The following NPAS2 variants were observed in gnomAD, a reference collection of about 807,000 sequenced individuals.
The protein encoded by NPAS2 is neuronal PAS domain protein 2.
A neutral mutation model predicts 107.5 loss-of-function variants in NPAS2; 23 were observed. That is an observed-to-expected ratio of 0.21 (90% confidence interval 0.15 to 0.30). The LOEUF (loss-of-function observed/expected upper bound fraction) is 0.30. Ranked by LOEUF, NPAS2 falls within the 10% of genes least tolerant of loss-of-function variation. NPAS2 has a pLI of 1.00. For synonymous variants in NPAS2, 403 were observed against 417.5 expected, an observed-to-expected ratio of 0.97 and a Z score of 0.42; for missense variants, 756 against 1,043.3, an observed-to-expected ratio of 0.72 and a Z score of 3.79.
intron 1 of NPAS2, among the ~76,000 whole-genome samples, chr2:100,848,923 C>A (rs1677967247): frequency 6.6e-6 from 1 of 152,242 alleles, no homozygotes; most frequent in South Asian, 2.1e-4. Flanking sequence ...CAAATCCCTG[C>A]CGTGGGGCGC....
chr2:100,838,352 A>T (rs1225509816), intron 1 of NPAS2, among the ~76,000 whole-genome samples: 1 of 152,078 alleles, frequency 6.6e-6, no homozygotes, highest in East Asian at 1.9e-4. Flanking sequence ...ATCTCAGCTC[A>T]CTGAAACCTC....
intron 14 of NPAS2, chr2:100,977,174 C>G (rs1228980723): frequency 6.3e-6 from 1 of 157,584 alleles, no homozygotes; most frequent in African/African-American, 2.4e-5. Context: ...TCCCAGGAGT[C>G]TCTTAAAAGG....
chr2:100,980,877 C>T (rs1249321595), intron 15 of NPAS2, among the ~76,000 whole-genome samples: 1 of 152,146 alleles, frequency 6.6e-6, no homozygotes, highest in East Asian at 1.9e-4. Flanking sequence ...GTGGGCAAAA[C>T]TTCTTGGCCT....
rs1677497369 is a variant in NPAS2 at position 100,982,353 on chromosome 2, C to G, written c.1605C>G (p.Cys535Trp). The change falls in exon 16 of 21, where the codon TGC becomes TGG. Residue 535 changes from cysteine to tryptophan, a missense_variant. Physicochemically the swap from Cys to Trp is radical, Grantham distance 215 (BLOSUM62 -2). This residue lies in a region of NPAS2 where 496 missense variants were observed against 594.4 expected (regional missense o/e 0.83). Coordinates refer to ENST00000335681, the MANE Select transcript of NPAS2 (RefSeq NM_002518.4). The part of the protein sequence containing the change: ...EELHKIQEQL[C>W]LVQDSNVQMF... ...TCCACAAGATCCAGGAGCAGCTCTG[C>G]CTGGTCCAGGACTCCAACGTCCAGG... 6.2e-7 allele frequency: 1 copy of G among 1,614,038 alleles called. No individual in the cohort carries two copies. Among genetic ancestry groups the G allele is most frequent in the African/African-American group, 1.3e-5 (1 of 74,928 alleles).
chr2:100,957,490 G>A (rs1253150821), intron 7 of NPAS2, among the ~76,000 whole-genome samples: 1 of 152,260 alleles, frequency 6.6e-6, no homozygotes, highest in Non-Finnish European at 1.5e-5. Context: ...AAAGAGAGAT[G>A]CTTTCAGACA....
intron 20 of NPAS2, 138 bp downstream of exon 20, chr2:100,993,665 T>C (rs1345357486): frequency 1.7e-5 from 11 of 640,544 alleles, no homozygotes; most frequent in Non-Finnish European, 5.0e-6. Context: ...CCCAGAAAGA[T>C]TGTTATTTGA....
intron 7 of NPAS2, among the ~76,000 whole-genome samples, chr2:100,953,808 C>T (rs1675388161): frequency 1.3e-5 from 2 of 152,238 alleles, no homozygotes; most frequent in Admixed American, 6.5e-5. Context: ...CCGCTCCGGC[C>T]TCCTGGCATT....
chr2:100,990,943 G>C lies in NPAS2; in HGVS notation c.2111+71G>C. 2.3e-6 allele frequency: 3 copies of C among 1,283,394 alleles called. 1 individual carries two copies. The highest frequency in any genetic ancestry group is 3.7e-5 in the Admixed American group (2 of 54,582). The allele number at this position is 1,283,394 out of a possible 1,614,324, so 79.5% of individuals were successfully genotyped here. ...GGTTCCAGGCTGGCCAGACTCACCC[G>C]CCTGGGCCAGCAGCACTCACATGAG... On this transcript the variant is annotated intron_variant, in intron 19 of 20. Transcript: ENST00000335681.
chr2:100,964,988 C>T, intron 9 of NPAS2, 45 bp downstream of exon 9: 1 of 1,307,436 alleles, frequency 7.6e-7, no homozygotes, highest in Non-Finnish European at 1.1e-6. Flanking sequence ...CTTCTCAAGT[C>T]TTGTTTGCGT....
At chr2:100,990,739 A>G in intron 18 of NPAS2, 41 bp from the exon 19 acceptor site, 5 of 1,559,118 alleles carry the variant, frequency 3.2e-6, no homozygotes, top group Middle Eastern at 1.7e-4. Context: ...TCTGTGGTTC[A>G]GGTGCTGATC....
intron 2 of NPAS2, among the ~76,000 whole-genome samples, chr2:100,911,367 A>G (rs1166487775): frequency 6.6e-6 from 1 of 152,218 alleles, no homozygotes; most frequent in Non-Finnish European, 1.5e-5. Context: ...ATTTTCTTAT[A>G]TATAAAAAAT....
intron 1 of NPAS2, among the ~76,000 whole-genome samples, chr2:100,893,445 A>G (rs570485986): frequency 1.3e-5 from 2 of 152,118 alleles, no homozygotes; most frequent in African/African-American, 2.4e-5. Flanking sequence ...GGTGGGGAAG[A>G]GTGTTAGGAT....
intron 1 of NPAS2, among the ~76,000 whole-genome samples, chr2:100,860,787 A>T (rs1404967193): frequency 2.0e-5 from 3 of 152,000 alleles, no homozygotes; most frequent in Non-Finnish European, 2.9e-5. Flanking sequence ...TGTCCGCATC[A>T]TTCTTTGAGC....
At chr2:100,924,324 A>G (rs556060723) in intron 2 of NPAS2, among the ~76,000 whole-genome samples, 44 of 152,040 alleles carry the variant, frequency 2.9e-4, no homozygotes, top group African/African-American at 1.0e-3. Flanking sequence ...ATGTGTTGAC[A>G]CACATCCACC....
At chr2:100,932,459 C>A (rs1464071955) in intron 3 of NPAS2, among the ~76,000 whole-genome samples, 2 of 152,240 alleles carry the variant, frequency 1.3e-5, no homozygotes, top group East Asian at 3.8e-4. Context: ...TTATTTTCCA[C>A]ACGCCTAAGG....
chr2:100,822,309 A>C (rs1419764213), intron 1 of NPAS2, among the ~76,000 whole-genome samples: 1 of 152,230 alleles, frequency 6.6e-6, no homozygotes, highest in Non-Finnish European at 1.5e-5. Flanking sequence ...ATGACTAAAG[A>C]ATTGATCTTT....
intron 1 of NPAS2, among the ~76,000 whole-genome samples, chr2:100,875,296 G>A (rs1217489659): frequency 6.6e-6 from 1 of 152,158 alleles, no homozygotes; most frequent in African/African-American, 2.4e-5. Flanking sequence ...AGGCAATGGG[G>A]AGTTAGTGTT....
intron 16 of NPAS2, chr2:100,982,822 A>G (rs1677536511): frequency 5.6e-6 from 1 of 179,324 alleles, no homozygotes; most frequent in South Asian, 1.4e-4. Flanking sequence ...AGATGTGGGA[A>G]ATGATGATAT....
intron 7 of NPAS2, among the ~76,000 whole-genome samples, chr2:100,956,505 G>A (rs966849505): frequency 6.6e-6 from 1 of 152,172 alleles, no homozygotes; most frequent in Non-Finnish European, 1.5e-5. Flanking sequence ...TAGGATAATG[G>A]CCTCTAGCTG....
Sources: gnomAD v4.1 joint callset for allele counts (sites outside exome capture counted in the v4.1 genomes callset) on GRCh38, gnomAD v4.1.1 for gene constraint, gnomAD v4.1.1 regional missense constraint, MANE v1.5 for transcripts, NCBI Gene and HGNC (gene_info 2026-07-23, HGNC 2026-07-21) for gene names.